The following LPP variants were observed in gnomAD, a reference collection of about 807,000 sequenced individuals.
LPP encodes the protein LIM domain containing preferred translocation partner in lipoma.
Under a neutral mutation model 60.4 loss-of-function variants are expected in LPP, and 38 were observed. The observed-to-expected ratio is 0.63, with a 90% confidence interval of 0.49 to 0.83. The LOEUF (loss-of-function observed/expected upper bound fraction) is 0.83. Among genes scored for constraint, LPP ranks in the 40% least tolerant of loss-of-function variants. LPP has a pLI of 0.00. For synonymous variants in LPP, 328 were observed against 290.8 expected, an observed-to-expected ratio of 1.13 and a Z score of -1.30; for missense variants, 902 against 783.6, an observed-to-expected ratio of 1.15 and a Z score of -1.80.
chr3:188,276,496 A>G (rs1311854274), intron 2 of LPP, among the ~76,000 whole-genome samples: 2 of 152,046 alleles, frequency 1.3e-5, no homozygotes, highest in African/African-American at 4.8e-5. Flanking sequence ...ATTTGTTTGG[A>G]TATTTGTCCC....
At chr3:188,843,102 T>C (rs1760438081) in intron 9 of LPP, among the ~76,000 whole-genome samples, 1 of 152,198 alleles carries the variant, frequency 6.6e-6, no homozygotes, top group South Asian at 2.1e-4. Context: ...CATAATTAAT[T>C]TACCCATTTT....
intron 10 of LPP, among the ~76,000 whole-genome samples, chr3:188,867,057 G>A (rs1469426265): frequency 6.6e-6 from 1 of 151,920 alleles, no homozygotes; most frequent in South Asian, 2.1e-4. Context: ...ATTAAAAAAT[G>A]GTGCCTCAAG....
intron 4 of LPP, among the ~76,000 whole-genome samples, chr3:188,412,292 T>C (rs1238541036): frequency 6.6e-6 from 1 of 152,170 alleles, no homozygotes; most frequent in Non-Finnish European, 1.5e-5. Context: ...CTTTAGTATA[T>C]AAATTAAAGA....
intron 2 of LPP, among the ~76,000 whole-genome samples, chr3:188,240,416 A>G (rs1723873450): frequency 6.6e-6 from 1 of 151,752 alleles, no homozygotes; most frequent in East Asian, 1.9e-4. Flanking sequence ...AGAGGAACAA[A>G]TGAAGAGGGA....
intron 8 of LPP, among the ~76,000 whole-genome samples, chr3:188,742,009 T>C (rs1318615704): frequency 6.6e-6 from 1 of 152,014 alleles, no homozygotes; most frequent in Non-Finnish European, 1.5e-5. Flanking sequence ...TTTGAACAGG[T>C]ACTTCTCTAA....
At chr3:188,480,551 C>A (rs1440565299) in intron 4 of LPP, among the ~76,000 whole-genome samples, 1 of 152,198 alleles carries the variant, frequency 6.6e-6, no homozygotes, top group African/African-American at 2.4e-5. Flanking sequence ...GGTCTGAAGG[C>A]ACGTGTCTAT....
At position 188,874,391 on chromosome 3, in the gene LPP, G is replaced by A; in HGVS notation, c.1751G>A (p.Cys584Tyr). ...CTGTCTGAAGGAGATAACCAAGGCT[G>A]CTACCCCTTGGATGGGCACATCCTC... Reference protein sequence around the residue: ...GLLSEGDNQGCYPLDGHILCK... With the variant: ...GLLSEGDNQGYYPLDGHILCK... Residue 584 changes from cysteine (C) to tyrosine (Y), a missense_variant, in exon 12 of 12, where the codon TGC (cysteine) becomes TAC (tyrosine). Transcript: ENST00000617246. 6.2e-7 allele frequency: 1 copy of A among 1,614,098 alleles called. No individual in the cohort carries two copies. The highest frequency in any genetic ancestry group is 8.5e-7 in the Non-Finnish European group (1 of 1,179,954).
At chr3:188,668,374 GA>G (rs950819760) in intron 7 of LPP, among the ~76,000 whole-genome samples, 2 of 152,164 alleles carry the variant, frequency 1.3e-5, no homozygotes, top group Non-Finnish European at 2.9e-5. Context: ...TGGGTGTTGG[GA>G]GGTGTTTATA....
At chr3:188,681,727 T>C (rs1392957013) in intron 7 of LPP, among the ~76,000 whole-genome samples, 1 of 152,242 alleles carries the variant, frequency 6.6e-6, no homozygotes, top group East Asian at 1.9e-4. Context: ...GGGACCCTTG[T>C]GTAATAATGT....
intron 5 of LPP, among the ~76,000 whole-genome samples, chr3:188,488,581 G>A (rs1807321450): frequency 6.6e-6 from 1 of 152,020 alleles, no homozygotes; most frequent in South Asian, 2.1e-4. Flanking sequence ...TGGCATCATA[G>A]GTTTAATGCT....
intron 5 of LPP, among the ~76,000 whole-genome samples, chr3:188,499,310 G>A (rs1811150936): frequency 6.6e-6 from 1 of 152,098 alleles, no homozygotes; most frequent in African/African-American, 2.4e-5. Context: ...TTATAATTAT[G>A]CTAGGAAAGA....
chr3:188,800,943 T>G (rs1007713167), intron 9 of LPP, among the ~76,000 whole-genome samples: 5 of 152,322 alleles, frequency 3.3e-5, no homozygotes, highest in African/African-American at 9.6e-5. Context: ...TTTTAACCCT[T>G]TGTCAGTGGC....
chr3:188,714,515 C>A (rs761101805), intron 8 of LPP, among the ~76,000 whole-genome samples: 15 of 151,788 alleles, frequency 9.9e-5, no homozygotes, highest in Admixed American at 6.6e-4. Context: ...TAATAGCCAC[C>A]GTTCTTATTT....
At chr3:188,561,688 A>G (rs1269911142) in intron 6 of LPP, among the ~76,000 whole-genome samples, 1 of 152,016 alleles carries the variant, frequency 6.6e-6, no homozygotes. Flanking sequence ...ATTGTCTAGC[A>G]TGTTCTACTT....
intron 6 of LPP, among the ~76,000 whole-genome samples, chr3:188,569,308 G>T (rs1215574425): frequency 1.3e-5 from 2 of 151,882 alleles, no homozygotes; most frequent in African/African-American, 2.4e-5. Context: ...GAAGACAGGA[G>T]CATTGAAAGT....
intron 4 of LPP, among the ~76,000 whole-genome samples, chr3:188,476,906 C>G (rs1384479681): frequency 6.6e-6 from 1 of 152,128 alleles, no homozygotes; most frequent in Non-Finnish European, 1.5e-5. Flanking sequence ...GGACAGAGAA[C>G]ATGGAATGGC....
intron 5 of LPP, among the ~76,000 whole-genome samples, chr3:188,519,852 T>C (rs1335959699): frequency 1.3e-5 from 2 of 152,318 alleles, no homozygotes; most frequent in South Asian, 2.1e-4. Flanking sequence ...ATATAAAGAA[T>C]GAAAAAGTAA....
rs115022161 is a variant in LPP, at chr3:188,571,807, T to C, written c.430-37354T>C. 2.5e-3 allele frequency among the ~76,000 whole-genome samples: 375 copies of C among 152,244 alleles called. 4 individuals are homozygous for C. The highest frequency in any genetic ancestry group is 8.7e-3 in the African/African-American group (360 of 41,584). On this transcript the variant is annotated intron_variant, in intron 6 of 11. Transcript: ENST00000617246. ...GCCTCAATTCCTGACTTCAAAATTA[T>C]TGTAGTAATACAATGCCTACTTCAT...
intron 6 of LPP, among the ~76,000 whole-genome samples, chr3:188,575,038 A>T (rs1043130160): frequency 6.6e-6 from 1 of 152,020 alleles, no homozygotes; most frequent in African/African-American, 2.4e-5. Flanking sequence ...GTCACACCCT[A>T]AGCAAGGAAG....
Sources: gnomAD v4.1 joint callset for allele counts (sites outside exome capture counted in the v4.1 genomes callset) on GRCh38, gnomAD v4.1.1 for gene constraint, MANE v1.5 for transcripts, NCBI Gene and HGNC (gene_info 2026-07-23, HGNC 2026-07-21) for gene names.